Variants in ADAP1 observed in about 807,000 individuals in gnomAD.
ADAP1 encodes the protein ArfGAP with dual PH domains 1.
ADAP1 carries 31 observed loss-of-function variants against 54.9 expected under a neutral mutation model. That is an observed-to-expected ratio of 0.56 (90% confidence interval 0.42 to 0.76). The LOEUF is 0.76. Ranked by LOEUF, ADAP1 falls within the 30% of genes least tolerant of loss-of-function variation. The pLI is 0.00. For synonymous variants in ADAP1, 313 were observed against 202.6 expected (o/e 1.55, Z -4.63); for missense variants, 535 against 512.4 (o/e 1.04, Z -0.42).
At chr7:907,531 C>A (rs1845522921) in intron 4 of ADAP1, among the ~76,000 whole-genome samples, 1 of 152,174 alleles carries the variant, frequency 6.6e-6, no homozygotes, top group South Asian at 2.1e-4. Context: ...GAGCTGCGGT[C>A]AGTGACCCAC....
chr7:919,859 T>A, intron 4 of ADAP1, 109 bp downstream of exon 4: 3 of 169,814 alleles, frequency 1.8e-5, no homozygotes, highest in Non-Finnish European at 3.0e-5. Context: ...GGGAAAGAGA[T>A]GGGGGAGGGA....
chr7:900,419 C>G lies in ADAP1; in HGVS notation c.732+114G>C, dbSNP rs1200971251. 4.1e-6 allele frequency: 5 copies of G among 1,218,586 alleles called. No individual in the cohort carries two copies. The African/African-American group carries it at 4.5e-5, about 11-fold the overall frequency. 75.5% of individuals were successfully genotyped at this position (1,218,586 alleles called of 1,614,324 possible). A position where few individuals can be genotyped will look rare whatever the true frequency, so the allele number is the denominator to read the frequency against. On this transcript the variant is annotated intron_variant, in intron 7 of 10. Transcript: ENST00000265846. ...CGTCAGGGTGAGCCCTTGGCCAGTC[C>G]CAGGCCCACCCTAGGGCTCAACATC...
Position 906,671 on chromosome 7 carries a change from ACATGGACAGGGGAC to A in ADAP1, c.389-1513_389-1500del, listed in dbSNP as rs1562915066. 1.6e-3 allele frequency among the ~76,000 whole-genome samples: 148 copies of A among 93,916 alleles called. 6 individuals carry two copies. The East Asian group carries it at 0.017, about 11-fold the overall frequency. The allele number at this position is 93,916 out of a possible 152,430, so 61.6% of individuals were successfully genotyped here. ...AAGGAGAAAGGGGGCGGGAAAGGGGACATGGACAGGGGACACGGGGGACATGGACATGGGGGACG... is the reference window on the plus strand; with the variant it reads ...AAGGAGAAAGGGGGCGGGAAAGGGGAACGGGGGACATGGACATGGGGGACG... On this transcript the variant is annotated intron_variant, in intron 4 of 10. Coordinates refer to ENST00000265846, the MANE Select transcript of ADAP1 (RefSeq NM_006869.4).
chr7:924,165 A>C (rs1274825091), intron 3 of ADAP1, among the ~76,000 whole-genome samples: 4 of 63,594 alleles, frequency 6.3e-5, no homozygotes, highest in Non-Finnish European at 8.5e-5. Flanking sequence ...TCCACGCTGC[A>C]CCCCCCGCCC....
chr7:944,675 CG>C (rs1847094986), intron 1 of ADAP1, among the ~76,000 whole-genome samples: 1 of 152,206 alleles, frequency 6.6e-6, no homozygotes, highest in Non-Finnish European at 1.5e-5. Context: ...ACGGCAAACA[CG>C]GCACCCATCA....
chr7:910,596 T>A (rs925416511), intron 4 of ADAP1, among the ~76,000 whole-genome samples: 2 of 152,184 alleles, frequency 1.3e-5, no homozygotes, highest in African/African-American at 4.8e-5. Context: ...GCACTCTAAA[T>A]AGGATATGCA....
At chr7:936,270 G>A (rs1387862775) in intron 1 of ADAP1, among the ~76,000 whole-genome samples, 2 of 151,812 alleles carry the variant, frequency 1.3e-5, no homozygotes, top group Admixed American at 6.6e-5. Flanking sequence ...GCACGATCTC[G>A]GCTCGCTGCA....
rs1234156300 is a variant in ADAP1 at position 920,587 on chromosome 7, G to A, written c.306-537C>T. Among the ~76,000 whole-genome samples, 6 of 152,058 alleles carry A rather than the reference G, an allele frequency of 3.9e-5. No homozygotes were observed. The highest frequency in any genetic ancestry group is 2.1e-4 in the South Asian group (1 of 4,824). On this transcript the variant is annotated intron_variant, in intron 3 of 10. Transcript: ENST00000265846. This position sits in a 1 kb window ranked among gnomAD's most constrained non-coding sequence, Gnocchi z 4.5. ...CTGAGACACAGGACGGAGCTATCAG[G>A]GCACCCGTCGAGGTCAGGAGGCGTC...
chr7:921,657 G>A (rs1378224242), intron 3 of ADAP1, among the ~76,000 whole-genome samples: 2 of 152,198 alleles, frequency 1.3e-5, no homozygotes, highest in Non-Finnish European at 2.9e-5. Flanking sequence ...GGCGGGTTAG[G>A]ACTTTAACAC....
intron 4 of ADAP1, chr7:905,382 AG>A (rs376118722): frequency 1.5e-5 from 4 of 269,216 alleles, no homozygotes; most frequent in Admixed American, 5.8e-5. Flanking sequence ...GAAAGGAGAA[AG>A]GAGAAAGGAG....
rs988838683 is a variant in ADAP1 at position 898,417 on chromosome 7, C to G, written c.*504G>C. On this transcript the variant is annotated 3_prime_UTR_variant, in exon 11 of 11. Transcript: ENST00000265846. ...GTGTGGATAATCCACCCAAACACCC[C>G]ACGGCCCTCATAGCCCCGTGACACA... The G allele has an allele frequency of 4.9e-6, 1 of 203,754 alleles. No individual in the cohort carries two copies. The allele number at this position is 203,754 out of a possible 1,614,324, so 12.6% of individuals were successfully genotyped here. A position where few individuals can be genotyped will look rare whatever the true frequency, so the allele number is the denominator to read the frequency against.
chr7:906,489 A>G (rs368063584), intron 4 of ADAP1, among the ~76,000 whole-genome samples: 159 of 27,668 alleles, frequency 5.7e-3, no homozygotes, highest in East Asian at 0.012. Flanking sequence ...GAAAGGAGAA[A>G]GGGAAAGGAG....
intron 2 of ADAP1, chr7:927,422 G>A: frequency 2.0e-6 from 1 of 489,530 alleles, no homozygotes. Flanking sequence ...GAGGGCATGG[G>A]AGAGGTTCTG....
At chr7:903,659 ACCCTCCCCG>A (rs1010847647) in intron 6 of ADAP1, among the ~76,000 whole-genome samples, 112 of 151,020 alleles carry the variant, frequency 7.4e-4, no homozygotes, top group African/African-American at 2.7e-3. Flanking sequence ...GGGTACACCC[ACCCTCCCCG>A]CCGCCACACC....
intron 4 of ADAP1, among the ~76,000 whole-genome samples, chr7:919,702 G>A (rs1316620455): frequency 2.0e-5 from 1 of 51,268 alleles, no homozygotes; most frequent in Non-Finnish European, 4.0e-5. Context: ...GATAAAGACA[G>A]GGGAGAAAGA....
chr7:906,826 G>T (rs1327181242), intron 4 of ADAP1, among the ~76,000 whole-genome samples: 1 of 149,210 alleles, frequency 6.7e-6, no homozygotes, highest in African/African-American at 2.6e-5. Context: ...GGGTCAGATG[G>T]TGATGGTGGA....
chr7:952,603 C>T (rs1847297977), intron 1 of ADAP1, among the ~76,000 whole-genome samples: 1 of 152,176 alleles, frequency 6.6e-6, no homozygotes, highest in African/African-American at 2.4e-5. Context: ...GTGGCCACAG[C>T]CCTGGGGAGC....
At chr7:936,261 C>A (rs1846757651) in intron 1 of ADAP1, among the ~76,000 whole-genome samples, 1 of 151,740 alleles carries the variant, frequency 6.6e-6, no homozygotes, top group South Asian at 2.1e-4. Context: ...AGTATGATGG[C>A]ACGATCTCGG....
At position 905,756 on chromosome 7, in the gene ADAP1, GA is replaced by G. The variant is rs1230966815; in HGVS notation, c.389-585del. 6 of 59,306 alleles carry G rather than the reference GA, an allele frequency of 1.0e-4. 1 individual carries two copies. Among genetic ancestry groups the G allele is most frequent in the East Asian group, 8.9e-4 (1 of 1,122 alleles). The allele number at this position is 59,306 out of a possible 1,614,324, so 3.7% of individuals were successfully genotyped here. A position where few individuals can be genotyped will look rare whatever the true frequency, so the allele number is the denominator to read the frequency against. On this transcript the variant is annotated intron_variant, in intron 4 of 10. Coordinates refer to ENST00000265846, the MANE Select transcript of ADAP1 (RefSeq NM_006869.4). ...GAAAGGGAAAGGAGAAGGGAGAAGG[GA>G]GAAGGGAGAAAGGAGAAAGGAGAAA...
Sources: allele counts gnomAD v4.1 joint callset (sites outside exome capture counted in the v4.1 genomes callset), GRCh38; gene constraint gnomAD v4.1.1; non-coding constraint Gnocchi (gnomAD v3.1); transcripts MANE v1.5; gene names NCBI Gene and HGNC (gene_info 2026-07-23, HGNC 2026-07-21).